The following LOC400499 variants were observed in gnomAD, a reference collection of about 807,000 sequenced individuals.
chr16:11,446,322 C>T, the LOC400499 span, among the ~76,000 whole-genome samples: 17 of 106,030 alleles, frequency 1.6e-4, no homozygotes, highest in Non-Finnish European at 3.1e-4. Flanking sequence ...GCTAATTAAA[C>T]AATTTTTTTT....
the LOC400499 span, among the ~76,000 whole-genome samples, chr16:11,503,123 C>T: frequency 6.7e-6 from 1 of 148,642 alleles, no homozygotes; most frequent in African/African-American, 2.6e-5. Flanking sequence ...GAGGTTTCAC[C>T]ATGTTGGTCT....
chr16:11,503,632 C>T, the LOC400499 span, among the ~76,000 whole-genome samples: 1 of 152,236 alleles, frequency 6.6e-6, no homozygotes, highest in African/African-American at 2.4e-5. Context: ...CCTGCACACG[C>T]AGCTCGATCT....
At chr16:11,492,575 G>A in the LOC400499 span, among the ~76,000 whole-genome samples, 2 of 152,012 alleles carry the variant, frequency 1.3e-5, no homozygotes, top group African/African-American at 4.8e-5. Context: ...ATGAGGTCAG[G>A]AGATCGAGAC....
the LOC400499 span, among the ~76,000 whole-genome samples, chr16:11,490,873 G>C: frequency 3.3e-5 from 5 of 152,190 alleles, no homozygotes; most frequent in African/African-American, 1.2e-4. Flanking sequence ...GAAAATACTG[G>C]GGGGAAGAGG....
chr16:11,499,333 G>T, the LOC400499 span, among the ~76,000 whole-genome samples: 319 of 121,408 alleles, frequency 2.6e-3, 20 homozygotes, highest in African/African-American at 0.01. Context: ...GGGGAGAGGG[G>T]GAAGGGAGGC....
At chr16:11,426,842 AG>A in the LOC400499 span, among the ~76,000 whole-genome samples, 3 of 145,130 alleles carry the variant, frequency 2.1e-5, no homozygotes, top group East Asian at 6.1e-4. Context: ...AGGATGCTTG[AG>A]CCATGATCAT....
At chr16:11,520,967 A>C in the LOC400499 span, among the ~76,000 whole-genome samples, 2 of 152,220 alleles carry the variant, frequency 1.3e-5, no homozygotes, top group African/African-American at 4.8e-5. Flanking sequence ...TAAGTGCTTA[A>C]AGTAAACAAA....
At chr16:11,454,043 T>A in the LOC400499 span, among the ~76,000 whole-genome samples, 1 of 152,170 alleles carries the variant, frequency 6.6e-6, no homozygotes, top group Admixed American at 6.5e-5. Context: ...CCAAGGTACC[T>A]CATAATGAGA....
chr16:11,397,620 T>A, the LOC400499 span, among the ~76,000 whole-genome samples: 1 of 152,132 alleles, frequency 6.6e-6, no homozygotes, highest in African/African-American at 2.4e-5. Flanking sequence ...ATTTACATAT[T>A]GTCTATAGCT....
At chr16:11,396,537 A>T in the LOC400499 span, 8 of 1,232,070 alleles carry the variant, frequency 6.5e-6, no homozygotes, top group Middle Eastern at 1.2e-3. Context: ...AAGTCAGCTG[A>T]ACGAGGCCTG....
At chr16:11,450,574 G>T in the LOC400499 span, 1 of 1,527,874 alleles carries the variant, frequency 6.5e-7, no homozygotes, top group South Asian at 1.2e-5. Flanking sequence ...AGTGGCAGGG[G>T]ACCAGACATA....
the LOC400499 span, among the ~76,000 whole-genome samples, chr16:11,495,509 T>C: frequency 1.3e-5 from 2 of 151,402 alleles, no homozygotes; most frequent in African/African-American, 4.8e-5. Context: ...GCCTCCCACG[T>C]AGCTGAGATT....
chr16:11,449,877 T>G, the LOC400499 span, among the ~76,000 whole-genome samples: 1 of 152,204 alleles, frequency 6.6e-6, no homozygotes, highest in Non-Finnish European at 1.5e-5. Flanking sequence ...TCTGGACACT[T>G]GCCGGCACCT....
chr16:11,517,135 G>C, the LOC400499 span, among the ~76,000 whole-genome samples: 20 of 152,088 alleles, frequency 1.3e-4, no homozygotes, highest in African/African-American at 4.8e-4. Context: ...GATGGTGCAA[G>C]TCGACACCAC....
At chr16:11,520,116 T>A in the LOC400499 span, among the ~76,000 whole-genome samples, 1 of 152,166 alleles carries the variant, frequency 6.6e-6, no homozygotes, top group Non-Finnish European at 1.5e-5. Context: ...CTGTTCAATG[T>A]GCACAGAGCT....
the LOC400499 span, among the ~76,000 whole-genome samples, chr16:11,499,491 A>G: frequency 2.0e-5 from 3 of 152,096 alleles, no homozygotes; most frequent in Middle Eastern, 3.4e-3. Flanking sequence ...TTGGGACCCA[A>G]TCTGGGCCTG....
chr16:11,481,974 T>C, the LOC400499 span, among the ~76,000 whole-genome samples: 1 of 152,166 alleles, frequency 6.6e-6, no homozygotes, highest in Non-Finnish European at 1.5e-5. Flanking sequence ...CATATGAGAA[T>C]TTCATCTCTT....
chr16:11,372,858 C>G, the LOC400499 span: 2 of 232,420 alleles, frequency 8.6e-6, no homozygotes, highest in Non-Finnish European at 1.4e-5. Flanking sequence ...GGACAACTCC[C>G]CATCCACTCC....
the LOC400499 span, among the ~76,000 whole-genome samples, chr16:11,486,716 A>G: frequency 8.6e-4 from 70 of 81,674 alleles, no homozygotes; most frequent in Middle Eastern, 8.6e-3. Flanking sequence ...TAGGATGAAT[A>G]GATGATGGGT....
Sources: gnomAD v4.1 joint callset for allele counts (sites outside exome capture counted in the v4.1 genomes callset) on GRCh38, gnomAD v4.1.1 for gene constraint, MANE v1.5 for transcripts.